The following PTPRD variants were observed in gnomAD, a reference collection of about 807,000 sequenced individuals.
The protein encoded by PTPRD is protein tyrosine phosphatase receptor type D.
In PTPRD, 34 loss-of-function variants were observed where a neutral mutation model predicts 214.5. The observed-to-expected ratio is 0.16, with a 90% confidence interval of 0.12 to 0.21. PTPRD has a LOEUF of 0.21. PTPRD is among the 10% of genes least tolerant of loss of function. The probability of loss-of-function intolerance (pLI) is 1.00; values close to 1 mark genes in which losing one functional copy is unlikely to be tolerated. For missense variants in PTPRD, 2,545 were observed against 2,398.7 expected (o/e 1.06, Z -1.27); for synonymous variants, 1,128 against 845.7 (o/e 1.33, Z -5.79).
chr9:9,272,377 T>C lies in PTPRD; in HGVS notation c.-202-89014A>G, dbSNP rs182633823. Among the ~76,000 whole-genome samples, 141 of 151,382 alleles carry C rather than the reference T, an allele frequency of 9.3e-4. 2 individuals are homozygous for C. The highest frequency in any genetic ancestry group is 9.0e-3 in the Admixed American group (137 of 15,152). On this transcript the variant is annotated intron_variant, in intron 9 of 45. Coordinates refer to ENST00000381196, the MANE Select transcript of PTPRD (RefSeq NM_002839.4). ...AAATCTTCTCTTGTGAAATCCAAAATATTTCCAAAATTTTGAAACTACTAT... is the reference window on the plus strand; with the variant it reads ...AAATCTTCTCTTGTGAAATCCAAAACATTTCCAAAATTTTGAAACTACTAT...
intron 8 of PTPRD, among the ~76,000 whole-genome samples, chr9:9,417,619 A>G (rs939266586): frequency 5.9e-5 from 9 of 152,094 alleles, no homozygotes; most frequent in Non-Finnish European, 1.0e-4. Context: ...TGAGTTAAAA[A>G]ATTATAGTCA....
chr9:10,398,551 C>T (rs2098215498), intron 2 of PTPRD, among the ~76,000 whole-genome samples: 1 of 151,922 alleles, frequency 6.6e-6, no homozygotes, highest in Non-Finnish European at 1.5e-5. Context: ...TAAGAACCTA[C>T]TATGTGCTAG....
chr9:10,029,509 A>T (rs992114931), intron 4 of PTPRD, among the ~76,000 whole-genome samples: 1 of 152,192 alleles, frequency 6.6e-6, no homozygotes, highest in Non-Finnish European at 1.5e-5. Context: ...CATGACCAGG[A>T]TGTGAGACAT....
At chr9:9,869,048 G>A (rs2064758536) in intron 5 of PTPRD, among the ~76,000 whole-genome samples, 1 of 152,160 alleles carries the variant, frequency 6.6e-6, no homozygotes, top group South Asian at 2.1e-4. Context: ...TTAAAAGCCT[G>A]CATGCAGCAA....
chr9:9,993,537 T>C (rs1162666439), intron 4 of PTPRD, among the ~76,000 whole-genome samples: 2 of 152,182 alleles, frequency 1.3e-5, no homozygotes, highest in Non-Finnish European at 2.9e-5. Flanking sequence ...AAGTTGAGGA[T>C]GCCAAAGTAG....
chr9:9,592,519 C>G (rs1247025669), intron 7 of PTPRD, among the ~76,000 whole-genome samples: 1 of 151,910 alleles, frequency 6.6e-6, no homozygotes, highest in Non-Finnish European at 1.5e-5. Context: ...GTAATAAAAA[C>G]AGGAAATTAT....
At chr9:8,925,090 A>C (rs1290820986) in intron 11 of PTPRD, among the ~76,000 whole-genome samples, 1 of 151,772 alleles carries the variant, frequency 6.6e-6, no homozygotes, top group Non-Finnish European at 1.5e-5. Flanking sequence ...AAATGTTGGT[A>C]CTCTCCCAGG....
intron 11 of PTPRD, among the ~76,000 whole-genome samples, chr9:8,953,783 C>G (rs1266362152): frequency 1.3e-5 from 2 of 152,048 alleles, no homozygotes; most frequent in East Asian, 3.9e-4. Flanking sequence ...AAATGCAAAT[C>G]AAAACCACAA....
chr9:10,416,549 G>A (rs966793262), intron 2 of PTPRD, among the ~76,000 whole-genome samples: 5 of 151,844 alleles, frequency 3.3e-5, no homozygotes, highest in African/African-American at 1.2e-4. Context: ...CTAAAAAAGC[G>A]ATGAGAAAAA....
In PTPRD at chr9:10,405,137, A is replaced by G. The variant is rs903430885; in HGVS notation, c.-599-64120T>C. On this transcript the variant is annotated intron_variant, in intron 2 of 45. Transcript: ENST00000381196. ...GGCATATAACTGGCAGGCAAGTCCTAAAGAAACTACAAAATTAACCTTCCA... is the reference window on the plus strand; with the variant it reads ...GGCATATAACTGGCAGGCAAGTCCTGAAGAAACTACAAAATTAACCTTCCA... 3.4e-4 allele frequency among the ~76,000 whole-genome samples: 52 copies of G among 151,650 alleles called. No homozygotes were observed. In the Admixed American group the frequency reaches 3.4e-3, roughly 10 times the overall value.
intron 8 of PTPRD, among the ~76,000 whole-genome samples, chr9:9,467,684 G>T (rs1165658417): frequency 2.1e-5 from 3 of 144,322 alleles, no homozygotes; most frequent in Non-Finnish European, 4.5e-5. Context: ...AGATATTCTT[G>T]TGTTAAATTT....
intron 10 of PTPRD, among the ~76,000 whole-genome samples, chr9:9,032,212 A>C (rs2099607820): frequency 6.6e-6 from 1 of 151,964 alleles, no homozygotes; most frequent in Non-Finnish European, 1.5e-5. Context: ...TGATGACTGC[A>C]TCCATTTCCA....
chr9:10,403,496 GA>G (rs1197460966), intron 2 of PTPRD, among the ~76,000 whole-genome samples: 5 of 151,266 alleles, frequency 3.3e-5, no homozygotes, highest in African/African-American at 1.2e-4. Context: ...TGCTGGCCAG[GA>G]TGTGCATTAA....
intron 12 of PTPRD, among the ~76,000 whole-genome samples, chr9:8,729,160 T>C (rs912754882): frequency 6.6e-6 from 1 of 152,158 alleles, no homozygotes; most frequent in Admixed American, 6.5e-5. Context: ...ATAAAATGTA[T>C]GTAAGAGGCA....
At chr9:9,761,726 C>G (rs912337708) in intron 6 of PTPRD, among the ~76,000 whole-genome samples, 6 of 151,934 alleles carry the variant, frequency 3.9e-5, no homozygotes, top group African/African-American at 7.3e-5. Context: ...ATAAAAATTT[C>G]GATGAAATTA....
intron 11 of PTPRD, among the ~76,000 whole-genome samples, chr9:8,940,066 G>A (rs1419443284): frequency 6.1e-5 from 9 of 147,502 alleles, no homozygotes; most frequent in African/African-American, 9.9e-5. Flanking sequence ...AATAAGTTTG[G>A]AAAAAAAAAA....
intron 8 of PTPRD, among the ~76,000 whole-genome samples, chr9:9,425,317 T>A (rs1389011572): frequency 6.6e-6 from 1 of 150,692 alleles, no homozygotes; most frequent in Non-Finnish European, 1.5e-5. Flanking sequence ...CCTAACAAAC[T>A]TTGATGATGG....
At chr9:8,638,353 T>C (rs2096493117) in intron 12 of PTPRD, among the ~76,000 whole-genome samples, 1 of 152,178 alleles carries the variant, frequency 6.6e-6, no homozygotes, top group African/African-American at 2.4e-5. Flanking sequence ...TGATGGTGTG[T>C]TCTGACTCTG....
chr9:9,535,147 TTCTGCCCGTCTCAGGAGTAATTTAC>T (rs1160270661), intron 8 of PTPRD, among the ~76,000 whole-genome samples: 23 of 152,240 alleles, frequency 1.5e-4, no homozygotes, highest in African/African-American at 5.3e-4. Flanking sequence ...CCTCGTGAAC[TTCTGCCCGTCTCAGGAGTAATTTAC>T]TCTGTGGATT....
Sources: allele counts gnomAD v4.1 joint callset (sites outside exome capture counted in the v4.1 genomes callset), GRCh38; gene constraint gnomAD v4.1.1; transcripts MANE v1.5; gene names NCBI Gene and HGNC (gene_info 2026-07-23, HGNC 2026-07-21).